SNX18: variants seen among roughly 807,000 people sequenced by gnomAD.
SNX18 encodes sorting nexin 18, also known as sorting nexin-18.
SNX18 carries 35 observed loss-of-function variants against 48.7 expected under a neutral mutation model. That is an observed-to-expected ratio of 0.72 (90% CI 0.55 to 0.95). SNX18 has a LOEUF of 0.95. Among genes scored for constraint, SNX18 ranks in the 40% least tolerant of loss-of-function variants. The pLI is 0.00. For synonymous variants in SNX18, 492 were observed against 384.7 expected, an observed-to-expected ratio of 1.28 and a Z score of -3.26; for missense variants, 824 against 871.0, an observed-to-expected ratio of 0.95 and a Z score of 0.68.
At chr5:54,529,055 G>A (rs544409374) in intron 1 of SNX18, among the ~76,000 whole-genome samples, 3 of 152,320 alleles carry the variant, frequency 2.0e-5, no homozygotes, top group South Asian at 2.1e-4. Context: ...ATGGGGTGCC[G>A]ACATGGCCAG....
At chr5:54,624,828 C>T in the SNX18 span, among the ~76,000 whole-genome samples, 1 of 152,160 alleles carries the variant, frequency 6.6e-6, no homozygotes, top group African/African-American at 2.4e-5. Context: ...ACTCAGTCTC[C>T]AGCAGTTTCT....
At chr5:54,632,297 G>C in the SNX18 span, among the ~76,000 whole-genome samples, 20 of 152,306 alleles carry the variant, frequency 1.3e-4, no homozygotes, top group African/African-American at 4.6e-4. Flanking sequence ...CATGTTCTTG[G>C]CAGAGATGCC....
the SNX18 span, among the ~76,000 whole-genome samples, chr5:54,593,623 C>T: frequency 6.6e-5 from 10 of 152,168 alleles, no homozygotes; most frequent in Non-Finnish European, 1.0e-4. Flanking sequence ...ACTTGGAACA[C>T]TTATATGACC....
Position 54,518,129 on chromosome 5 carries a change from C to T in SNX18, c.177C>T (p.Ile59=). Residue 59 remains isoleucine (I), a synonymous_variant, in exon 1 of 2, where the codon ATC becomes ATT. Coordinates refer to ENST00000381410, the MANE Select transcript of SNX18 (RefSeq NM_001102575.2). The part of the protein sequence containing the change: ...GLFPASYVQV[I]RAPEPGPAGD... ...TCCCGGCCTCCTATGTGCAGGTGAT[C>T]CGCGCCCCCGAGCCTGGCCCGGCGG... The T allele has an allele frequency of 6.9e-7, 1 of 1,443,930 alleles. No individual in the cohort carries two copies. The highest frequency in any genetic ancestry group is 9.1e-7 in the Non-Finnish European group (1 of 1,103,830). 89.4% of individuals were successfully genotyped at this position (1,443,930 alleles called of 1,614,324 possible). A position where few individuals can be genotyped will look rare whatever the true frequency, so the allele number is the denominator to read the frequency against.
chr5:54,536,047 C>T (rs1444249138), intron 1 of SNX18, among the ~76,000 whole-genome samples: 1 of 152,158 alleles, frequency 6.6e-6, no homozygotes, highest in African/African-American at 2.4e-5. Context: ...AAACCTAGAG[C>T]TTACTCTAGG....
chr5:54,590,328 A>G, the SNX18 span, among the ~76,000 whole-genome samples: 1 of 152,104 alleles, frequency 6.6e-6, no homozygotes, highest in Non-Finnish European at 1.5e-5. Flanking sequence ...GTAGTTCTAG[A>G]CGGGGGGCAT....
At chr5:54,600,442 C>T in the SNX18 span, among the ~76,000 whole-genome samples, 6 of 152,092 alleles carry the variant, frequency 3.9e-5, no homozygotes, top group Admixed American at 1.3e-4. Context: ...GAGCTAGAAC[C>T]AGAAATACCA....
chr5:54,608,436 A>G, the SNX18 span, among the ~76,000 whole-genome samples: 1 of 152,144 alleles, frequency 6.6e-6, no homozygotes. Flanking sequence ...GGATCTCACT[A>G]TGTTGCCCAA....
At chr5:54,615,938 C>G in the SNX18 span, among the ~76,000 whole-genome samples, 2 of 152,176 alleles carry the variant, frequency 1.3e-5, no homozygotes, top group Non-Finnish European at 2.9e-5. Flanking sequence ...TAGAGACTCT[C>G]CACTCTTGCA....
the SNX18 span, among the ~76,000 whole-genome samples, chr5:54,595,688 A>T: frequency 3.3e-5 from 5 of 152,256 alleles, no homozygotes; most frequent in East Asian, 9.7e-4. Context: ...TTCCAATGGG[A>T]CACACGTTGT....
chr5:54,634,269 GGAA>G, the SNX18 span, among the ~76,000 whole-genome samples: 8 of 152,092 alleles, frequency 5.3e-5, no homozygotes, highest in Non-Finnish European at 1.0e-4. Context: ...AGAGTGGGGT[GGAA>G]GAAGAATTCC....
chr5:54,531,396 T>C (rs918943503), intron 1 of SNX18, among the ~76,000 whole-genome samples: 3 of 152,210 alleles, frequency 2.0e-5, no homozygotes, highest in Non-Finnish European at 4.4e-5. Context: ...GGAATGGGGC[T>C]GAAGGGAGTC....
At chr5:54,589,124 T>G in the SNX18 span, among the ~76,000 whole-genome samples, 2 of 152,204 alleles carry the variant, frequency 1.3e-5, no homozygotes, top group Non-Finnish European at 2.9e-5. Context: ...ACCTGAAAGT[T>G]GCACATATAC....
At chr5:54,609,663 C>G in the SNX18 span, among the ~76,000 whole-genome samples, 1 of 152,020 alleles carries the variant, frequency 6.6e-6, no homozygotes, top group African/African-American at 2.4e-5. Flanking sequence ...AAAAAAAATG[C>G]CAAGGATTTG....
At position 54,544,578 on chromosome 5, in the gene SNX18, G is replaced by A. The variant is rs1227993618; in HGVS notation, c.*1146G>A. ...AATAATTTTTGCTATTCCAAATACTGAAGGAAAAAGATAATTGATTTATAC... is the reference window on the plus strand; with the variant it reads ...AATAATTTTTGCTATTCCAAATACTAAAGGAAAAAGATAATTGATTTATAC... On this transcript the variant is annotated 3_prime_UTR_variant, in exon 2 of 2. Transcript: ENST00000381410. 1 of 137,244 alleles carries A rather than the reference G, an allele frequency of 7.3e-6. No individual in the cohort carries two copies. Among genetic ancestry groups the A allele is most frequent in the Non-Finnish European group, 1.6e-5 (1 of 64,164 alleles). 8.5% of individuals were successfully genotyped at this position (137,244 alleles called of 1,614,324 possible).
rs1460052358 is a variant in SNX18, at chr5:54,544,181, A to G, written c.*749A>G. 6.6e-6 allele frequency: 1 copy of G among 152,184 alleles called. No individual in the cohort carries two copies. The highest frequency in any genetic ancestry group is 2.4e-5 in the African/African-American group (1 of 41,442). 9.4% of individuals were successfully genotyped at this position (152,184 alleles called of 1,614,324 possible). A position where few individuals can be genotyped will look rare whatever the true frequency, so the allele number is the denominator to read the frequency against. The stretch of plus-strand genomic sequence containing the variant: ...CTGTTAGGGAAGAAACAGTGCCACT[A>G]TTCCCTTAGATGCAACAGTAGCATA... On this transcript the variant is annotated 3_prime_UTR_variant, in exon 2 of 2. Transcript: ENST00000381410.
At chr5:54,618,990 A>C in the SNX18 span, among the ~76,000 whole-genome samples, 23 of 146,666 alleles carry the variant, frequency 1.6e-4, no homozygotes, top group African/African-American at 5.9e-4. Context: ...GCAAAACAAA[A>C]CAAACCATAT....
the SNX18 span, among the ~76,000 whole-genome samples, chr5:54,583,275 C>T: frequency 6.6e-6 from 1 of 152,164 alleles, no homozygotes; most frequent in Non-Finnish European, 1.5e-5. Context: ...CTGTGCCTGG[C>T]CTTGCTAGAC....
the SNX18 span, among the ~76,000 whole-genome samples, chr5:54,640,713 A>G: frequency 6.6e-6 from 1 of 152,098 alleles, no homozygotes; most frequent in Non-Finnish European, 1.5e-5. Flanking sequence ...TCTTCAATAG[A>G]AGGGGATGGG....
Sources: gnomAD v4.1 joint callset for allele counts (sites outside exome capture counted in the v4.1 genomes callset) on GRCh38, gnomAD v4.1.1 for gene constraint, MANE v1.5 for transcripts, NCBI Gene and HGNC (gene_info 2026-07-23, HGNC 2026-07-21) for gene names.